Variants in TNRC6A observed in about 807,000 individuals in gnomAD.
TNRC6A encodes trinucleotide repeat-containing gene 6A protein.
In TNRC6A, 44 loss-of-function variants were observed where a neutral mutation model predicts 221.2. That is an observed-to-expected ratio of 0.20 (90% CI 0.16 to 0.26). The LOEUF (loss-of-function observed/expected upper bound fraction) is 0.26, where lower values mean the gene tolerates loss of function less well. TNRC6A is among the 10% of genes least tolerant of loss of function. The pLI, the probability that TNRC6A is intolerant of heterozygous loss-of-function variation, is 1.00. For missense variants in TNRC6A, 2,199 were observed against 2,404.4 expected (o/e 0.91, Z 1.79); for synonymous variants, 847 against 838.5 (o/e 1.01, Z -0.18).
At chr16:24,817,066 A>T in intron 20 of TNRC6A, 110 bp downstream of exon 20, 1 of 1,170,276 alleles carries the variant, frequency 8.5e-7, no homozygotes, top group South Asian at 2.4e-5. Flanking sequence ...CTCTGGGATC[A>T]CTTGAGCCCA....
intron 2 of TNRC6A, among the ~76,000 whole-genome samples, chr16:24,699,813 A>C (rs1207012829): frequency 6.6e-6 from 1 of 151,988 alleles, no homozygotes; most frequent in Non-Finnish European, 1.5e-5. Context: ...CACAGATACC[A>C]TTTCTTTAAC....
upstream of TNRC6A, among the ~76,000 whole-genome samples, chr16:24,727,859 T>C (rs117162005): frequency 3.1e-4 from 47 of 152,224 alleles, no homozygotes; most frequent in East Asian, 8.9e-3. Flanking sequence ...TCAGGGATGA[T>C]AGCAGGAAAA....
intron 5 of TNRC6A, 135 bp from the exon 6 acceptor site, chr16:24,789,097 T>A (rs2058037771): frequency 2.3e-6 from 2 of 867,370 alleles, no homozygotes; most frequent in South Asian, 4.0e-5. Context: ...TTGTCACCAT[T>A]CTGCCAAGGA....
intron 3 of TNRC6A, 63 bp downstream of exon 3, chr16:24,750,876 C>T (rs1567423079): frequency 3.8e-6 from 5 of 1,314,200 alleles, no homozygotes; most frequent in South Asian, 2.4e-5. Flanking sequence ...AAAAATTACT[C>T]TTACAGATTT....
At chr16:24,814,346 G>C (rs2058608293) in intron 18 of TNRC6A, among the ~76,000 whole-genome samples, 1 of 151,204 alleles carries the variant, frequency 6.6e-6, no homozygotes, top group Non-Finnish European at 1.5e-5. Flanking sequence ...GAATGGAGGA[G>C]ACTTGGTTTT....
chr16:24,622,845 T>C (rs1263287063), intron 1 of TNRC6A, among the ~76,000 whole-genome samples: 1 of 152,198 alleles, frequency 6.6e-6, no homozygotes, highest in Non-Finnish European at 1.5e-5. Context: ...AATATTATAT[T>C]TTACAGTTGA....
intron 2 of TNRC6A, among the ~76,000 whole-genome samples, chr16:24,674,452 C>T (rs938787294): frequency 1.3e-5 from 2 of 152,044 alleles, no homozygotes; most frequent in Non-Finnish European, 2.9e-5. Context: ...TGAAATGATT[C>T]AGCGTGCCCT....
At chr16:24,810,780 G>T (rs2058526094) in intron 18 of TNRC6A, among the ~76,000 whole-genome samples, 1 of 152,176 alleles carries the variant, frequency 6.6e-6, no homozygotes, top group Non-Finnish European at 1.5e-5. Flanking sequence ...ACATGAAAAT[G>T]ATGGGTGCCT....
At chr16:24,687,888 T>A (rs1312931367) in intron 2 of TNRC6A, among the ~76,000 whole-genome samples, 2 of 41,246 alleles carry the variant, frequency 4.8e-5, no homozygotes, top group Admixed American at 2.3e-4. Context: ...AAGAAGCAGC[T>A]TATTCCAACT....
At chr16:24,672,446 TG>T (rs1329754364) in intron 2 of TNRC6A, among the ~76,000 whole-genome samples, 1 of 151,074 alleles carries the variant, frequency 6.6e-6, no homozygotes, top group East Asian at 2.0e-4. Context: ...ATTTTTTACT[TG>T]TTTATTTTTT....
intron 5 of TNRC6A, among the ~76,000 whole-genome samples, chr16:24,784,514 G>C (rs1032400551): frequency 4.6e-5 from 7 of 152,180 alleles, no homozygotes; most frequent in African/African-American, 1.7e-4. Context: ...TGTAGAGATG[G>C]GGTGTTGCAG....
chr16:24,812,812 G>A (rs979882414), intron 18 of TNRC6A, among the ~76,000 whole-genome samples: 5 of 144,018 alleles, frequency 3.5e-5, no homozygotes, highest in African/African-American at 1.3e-4. Context: ...TACTTGGCAA[G>A]TAACTTAACC....
chr16:24,800,660 G>A (rs1596763357), intron 11 of TNRC6A, among the ~76,000 whole-genome samples: 1 of 152,220 alleles, frequency 6.6e-6, no homozygotes. Context: ...ATGTCGTGCT[G>A]GTGGAACCTG....
rs767199074 is a variant in TNRC6A, at chr16:24,806,796, C to G, written c.4540+12C>G. On this transcript the variant is annotated intron_variant, in intron 17 of 24. Transcript: ENST00000395799. ...CAACTTCCCTATAGGTGGGTTTCTC[C>G]TTGGCCCAAGTATTGGACTGATGCT... 17 of 1,613,838 alleles carry G rather than the reference C, an allele frequency of 1.1e-5. No individual in the cohort carries two copies. Among genetic ancestry groups the G allele is most frequent in the East Asian group, 6.7e-5 (3 of 44,866 alleles).
At chr16:24,796,954 A>G (rs927422684) in intron 9 of TNRC6A, among the ~76,000 whole-genome samples, 1 of 152,196 alleles carries the variant, frequency 6.6e-6, no homozygotes. Flanking sequence ...CCCAGGTTCA[A>G]CTTCTGCTAG....
At chr16:24,679,782 AT>A (rs944716490) in intron 2 of TNRC6A, among the ~76,000 whole-genome samples, 37 of 148,582 alleles carry the variant, frequency 2.5e-4, no homozygotes, top group African/African-American at 7.9e-4. Context: ...TGGCAATTTT[AT>A]TTTTTTTTAG....
At chr16:24,643,722 C>A (rs1902120401) in intron 2 of TNRC6A, among the ~76,000 whole-genome samples, 1 of 152,132 alleles carries the variant, frequency 6.6e-6, no homozygotes, top group Non-Finnish European at 1.5e-5. Context: ...CTCCCCGCCG[C>A]CCCATTAGTA....
intron 2 of TNRC6A, among the ~76,000 whole-genome samples, chr16:24,698,088 G>A (rs1294331657): frequency 1.3e-5 from 2 of 151,770 alleles, no homozygotes; most frequent in Non-Finnish European, 2.9e-5. Context: ...AGCACTTTGA[G>A]GGGCCGAGGC....
chr16:24,753,869 C>T (rs2151438266), intron 3 of TNRC6A, among the ~76,000 whole-genome samples: 1 of 152,272 alleles, frequency 6.6e-6, no homozygotes, highest in South Asian at 2.1e-4. Flanking sequence ...ACCTAAGCAT[C>T]AGAATGAATT....
Sources: allele counts gnomAD v4.1 joint callset (sites outside exome capture counted in the v4.1 genomes callset), GRCh38; gene constraint gnomAD v4.1.1; transcripts MANE v1.5; gene names NCBI Gene and HGNC (gene_info 2026-07-23, HGNC 2026-07-21).